Variants in BCOR observed in about 807,000 individuals in gnomAD.
The protein encoded by BCOR is BCL-6 corepressor.
Under a neutral mutation model 86.7 loss-of-function variants are expected in BCOR, and 10 were observed. The ratio of observed to expected loss-of-function variants is 0.12; its 90% confidence interval spans 0.07 to 0.20. BCOR has a LOEUF of 0.20. BCOR is among the 10% of genes least tolerant of loss of function. The pLI, the probability that BCOR is intolerant of heterozygous loss-of-function variation, is 1.00. For synonymous variants in BCOR, 611 were observed against 609.0 expected (o/e 1.00, Z -0.05); for missense variants, 1,259 against 1,452.1 (o/e 0.87, Z 2.16).
At chrX:40,083,215 A>G (rs1379117225) in intron 1 of BCOR, among the ~76,000 whole-genome samples, 2 of 110,886 alleles carry the variant, frequency 1.8e-5, no homozygotes, top group Non-Finnish European at 3.8e-5. Context: ...AAGATACCCC[A>G]AGGCTGCCCC....
In BCOR at chrX:40,072,135, C is replaced by T. The variant is rs151099543; in HGVS notation, c.2997+214G>A. On this transcript the variant is annotated intron_variant, in intron 4 of 14. Coordinates refer to ENST00000378444, the MANE Select transcript of BCOR (RefSeq NM_001123385.2). The stretch of plus-strand genomic sequence containing the variant: ...GTTATCAGCAATTGAGTGGAGTTCC[C>T]TTATAATCTACAGAATAACTTAAAG... 1.6e-3 allele frequency: 729 copies of T among 443,897 alleles called. 6 individuals carry two copies. The highest frequency in any genetic ancestry group is 0.016 in the African/African-American group (655 of 40,507). The allele number at this position is 443,897 out of a possible 1,213,427, so 36.6% of individuals were successfully genotyped here. A position where few individuals can be genotyped will look rare whatever the true frequency, so the allele number is the denominator to read the frequency against.
chrX:40,055,058 T>C (rs1354627202), intron 12 of BCOR, among the ~76,000 whole-genome samples: 1 of 112,371 alleles, frequency 8.9e-6, no homozygotes, highest in Non-Finnish European at 1.9e-5. Context: ...CCAAATAATT[T>C]CATGTATGGA....
In BCOR at chrX:40,074,366, C is replaced by A. The variant is rs993034359; in HGVS notation, c.980G>T (p.Gly327Val). The A allele has an allele frequency of 8.3e-7, 1 of 1,211,069 alleles. No homozygotes were observed. Among genetic ancestry groups the A allele is most frequent in the South Asian group, 1.8e-5 (1 of 56,797 alleles). Residue 327 changes from glycine to valine, a missense_variant, in exon 4 of 15, where the codon GGG becomes GTG. This residue lies in a region of BCOR where 534 missense variants were observed against 594.8 expected (regional missense o/e 0.90). Coordinates refer to ENST00000378444, the MANE Select transcript of BCOR (RefSeq NM_001123385.2). ...GGGGGGCAACAGGAGAGCTGTGTCCCCCGGCAGGCCACTGGTGACCGCCTT... is the reference window on the plus strand; with the variant it reads ...GGGGGGCAACAGGAGAGCTGTGTCCACCGGCAGGCCACTGGTGACCGCCTT... ...SAKAVTSGLP[G>V]DTALLLPPSP...
At chrX:40,133,139 CTTT>C (rs774822335) in intron 1 of BCOR, among the ~76,000 whole-genome samples, 4 of 100,262 alleles carry the variant, frequency 4.0e-5, no homozygotes, top group Non-Finnish European at 4.1e-5. Flanking sequence ...TTCTTTTTTT[CTTT>C]TTTTTTTTTT....
At position 40,072,842 on chromosome X, in the gene BCOR, G is replaced by A; in HGVS notation, c.2504C>T (p.Ala835Val). ...SFAAESVGQSAEPPKPSVEPA... is the reference protein window; with the variant it reads ...SFAAESVGQSVEPPKPSVEPA... The stretch of plus-strand genomic sequence containing the variant: ...CTCAACTGAGGGCTTGGGGGGCTCA[G>A]CGCTCTGGCCAACACTCTCTGCTGC... The change falls in exon 4 of 15, where the codon GCT becomes GTT. Residue 835 changes from alanine to valine, a missense_variant. This residue lies in a region of BCOR where 534 missense variants were observed against 594.8 expected (regional missense o/e 0.90). Coordinates refer to ENST00000378444, the MANE Select transcript of BCOR (RefSeq NM_001123385.2). The A allele has an allele frequency of 8.3e-7, 1 of 1,211,825 alleles. No homozygotes were observed. The highest frequency in any genetic ancestry group is 1.8e-5 in the South Asian group (1 of 56,931).
At chrX:40,132,412 C>T (rs1328577402) in intron 1 of BCOR, among the ~76,000 whole-genome samples, 2 of 111,104 alleles carry the variant, frequency 1.8e-5, no homozygotes, top group Non-Finnish European at 3.8e-5. Context: ...ACCACAGCCT[C>T]GACCTCCAGA....
At chrX:40,100,645 G>T (rs1246990986), upstream of BCOR, among the ~76,000 whole-genome samples, 3 of 106,507 alleles carry the variant, frequency 2.8e-5, no homozygotes, top group African/African-American at 1.0e-4. Context: ...GTTGCGGTGA[G>T]CCGAGATCGC....
intron 1 of BCOR, among the ~76,000 whole-genome samples, chrX:40,155,277 T>C (rs1938265362): frequency 8.9e-6 from 1 of 112,317 alleles, no homozygotes; most frequent in Non-Finnish European, 1.9e-5. Context: ...CTTTTGTATC[T>C]GCAGGCACTT....
At chrX:40,081,333 T>C (rs1441980493) in intron 1 of BCOR, among the ~76,000 whole-genome samples, 1 of 111,914 alleles carries the variant, frequency 8.9e-6, no homozygotes, top group Non-Finnish European at 1.9e-5. Context: ...GGTTTCTCTG[T>C]CATGTACAAC....
chrX:40,104,866 TAGTC>T (rs1937141611), intron 1 of BCOR, among the ~76,000 whole-genome samples: 1 of 111,128 alleles, frequency 9.0e-6, no homozygotes, highest in East Asian at 2.9e-4. Context: ...CGCGTCCCAT[TAGTC>T]AGCCCGAGTT....
chrX:40,105,525 G>A (rs1252555179), intron 1 of BCOR, among the ~76,000 whole-genome samples: 3 of 111,797 alleles, frequency 2.7e-5, no homozygotes, highest in African/African-American at 9.7e-5. Context: ...GGTCCGATGA[G>A]ATGTCCCTGT....
intron 1 of BCOR, among the ~76,000 whole-genome samples, chrX:40,113,566 C>T (rs1432515251): frequency 9.0e-6 from 1 of 111,327 alleles, no homozygotes; most frequent in Non-Finnish European, 1.9e-5. Context: ...CCTGAATAGG[C>T]TCTGCGGGTT....
At chrX:40,175,111 C>T (rs1469669645) in intron 1 of BCOR, among the ~76,000 whole-genome samples, 1 of 104,810 alleles carries the variant, frequency 9.5e-6, no homozygotes, top group Non-Finnish European at 2.0e-5. Context: ...TCGCGGGCAG[C>T]CTGTTCTGAC....
chrX:40,073,638 C>T lies in BCOR; in HGVS notation c.1708G>A (p.Ala570Thr), dbSNP rs748813798. The T allele has an allele frequency of 7.4e-6, 9 of 1,212,246 alleles. No homozygotes were observed. The East Asian group carries it at 1.2e-4, about 16-fold the overall frequency. ...GCATTGGCATTGGGGGCGGGTGATGCGGAGGCTGGGCGGCCTGCACTCGAC... is the reference window on the plus strand; with the variant it reads ...GCATTGGCATTGGGGGCGGGTGATGTGGAGGCTGGGCGGCCTGCACTCGAC... ...SVSSAGRPAS[A>T]SPAPNANADG... The change falls in exon 4 of 15, where the codon GCA (alanine) becomes ACA (threonine). Residue 570 changes from alanine (A) to threonine (T), a missense_variant. Transcript: ENST00000378444.
upstream of BCOR, among the ~76,000 whole-genome samples, chrX:40,099,213 GGGGAGGGCGGGGGCAGGCGGGA>G (rs1318746244): frequency 8.9e-6 from 1 of 112,511 alleles, no homozygotes; most frequent in African/African-American, 3.2e-5. Context: ...CTGGGCGCGG[GGGGAGGGCGGGGGCAGGCGGGA>G]GGGAGGGGGA....
At chrX:40,138,424 G>A (rs1044637378) in intron 1 of BCOR, among the ~76,000 whole-genome samples, 4 of 112,067 alleles carry the variant, frequency 3.6e-5, no homozygotes, top group Non-Finnish European at 7.5e-5. Context: ...AGGAAAACTC[G>A]GAGGCCATCA....
At chrX:40,117,687 C>T (rs763545902) in intron 1 of BCOR, among the ~76,000 whole-genome samples, 1 of 111,057 alleles carries the variant, frequency 9.0e-6, no homozygotes, top group African/African-American at 3.3e-5. Context: ...GGGTGGTACA[C>T]GATCATGGAA....
At chrX:40,122,430 T>C (rs759400925) in intron 1 of BCOR, among the ~76,000 whole-genome samples, 8 of 112,046 alleles carry the variant, frequency 7.1e-5, no homozygotes, top group Non-Finnish European at 1.5e-4. Context: ...ACTTGGTGTC[T>C]CGGAGACTGT....
intron 1 of BCOR, among the ~76,000 whole-genome samples, chrX:40,127,385 C>T (rs1227501886): frequency 8.9e-6 from 1 of 112,292 alleles, no homozygotes; most frequent in Non-Finnish European, 1.9e-5. Flanking sequence ...TGTTGGCTAG[C>T]TGACTGCAGC....
Sources: gnomAD v4.1 joint callset for allele counts (sites outside exome capture counted in the v4.1 genomes callset) on GRCh38, gnomAD v4.1.1 for gene constraint, gnomAD v4.1.1 regional missense constraint, MANE v1.5 for transcripts, NCBI Gene and HGNC (gene_info 2026-07-23, HGNC 2026-07-21) for gene names.